The following NCOA2 variants were observed in gnomAD, a reference collection of about 807,000 sequenced individuals.
The protein encoded by NCOA2 is class E basic helix-loop-helix protein 75.
A neutral mutation model predicts 145.1 loss-of-function variants in NCOA2; 21 were observed. The observed-to-expected ratio is 0.14, with a 90% CI of 0.10 to 0.21. NCOA2 has a LOEUF of 0.21. NCOA2 is among the 10% of genes least tolerant of loss of function. The pLI is 1.00. For missense variants in NCOA2, 1,472 were observed against 1,837.6 expected, an observed-to-expected ratio of 0.80 and a Z score of 3.64; for synonymous variants, 619 against 637.5, an observed-to-expected ratio of 0.97 and a Z score of 0.44.
intron 5 of NCOA2, among the ~76,000 whole-genome samples, chr8:70,173,078 C>T (rs2132705126): frequency 6.6e-6 from 1 of 152,314 alleles, no homozygotes; most frequent in Admixed American, 6.5e-5. Flanking sequence ...ACCTCTCTAA[C>T]ACATTTAACA....
intron 7 of NCOA2, 97 bp from the exon 8 acceptor site, chr8:70,163,663 A>G: frequency 1.2e-6 from 1 of 847,704 alleles, no homozygotes; most frequent in Middle Eastern, 2.3e-4. Flanking sequence ...TCATTAAAAA[A>G]GCAGTAAGGG....
At chr8:70,446,744 G>C in the NCOA2 span, among the ~76,000 whole-genome samples, 1 of 151,964 alleles carries the variant, frequency 6.6e-6, no homozygotes, top group Non-Finnish European at 1.5e-5. Flanking sequence ...TGAAAGAAAT[G>C]GTTCTTTCTT....
chr8:70,191,321 A>G (rs1001568847), intron 4 of NCOA2, among the ~76,000 whole-genome samples: 1 of 152,252 alleles, frequency 6.6e-6, no homozygotes, highest in Non-Finnish European at 1.5e-5. Context: ...CTGAAGTAGT[A>G]AACAAAAACT....
At chr8:70,285,635 T>C (rs1328876131) in intron 2 of NCOA2, among the ~76,000 whole-genome samples, 1 of 152,252 alleles carries the variant, frequency 6.6e-6, no homozygotes, top group Non-Finnish European at 1.5e-5. Context: ...TGTAATCCCA[T>C]TCACGTAACT....
the NCOA2 span, among the ~76,000 whole-genome samples, chr8:70,442,823 T>C: frequency 6.6e-6 from 1 of 152,212 alleles, no homozygotes; most frequent in Non-Finnish European, 1.5e-5. Context: ...GTGGTAGGAA[T>C]GGCTCTTTTA....
intron 1 of NCOA2, among the ~76,000 whole-genome samples, chr8:70,378,141 C>G (rs1811846495): frequency 6.6e-6 from 1 of 152,006 alleles, no homozygotes; most frequent in South Asian, 2.1e-4. Context: ...GCATATAAAC[C>G]ACCTTGAATA....
chr8:70,279,088 C>A (rs185682484), intron 2 of NCOA2, among the ~76,000 whole-genome samples: 3 of 152,248 alleles, frequency 2.0e-5, no homozygotes, highest in African/African-American at 7.2e-5. Context: ...GATGATCTCG[C>A]CTTACCAATC....
intron 22 of NCOA2, among the ~76,000 whole-genome samples, chr8:70,120,221 AG>A (rs1267916929): frequency 6.6e-6 from 1 of 152,210 alleles, no homozygotes; most frequent in Non-Finnish European, 1.5e-5. Context: ...TGTATGGGAT[AG>A]GATTTTTTAA....
At chr8:70,407,485 C>T (rs183548288), upstream of NCOA2, among the ~76,000 whole-genome samples, 1 of 152,182 alleles carries the variant, frequency 6.6e-6, no homozygotes, top group Admixed American at 6.5e-5. Flanking sequence ...ACTTGTATTT[C>T]TACTACTCTG....
chr8:70,296,975 T>C (rs951049513), intron 1 of NCOA2, among the ~76,000 whole-genome samples, 175 bp from the exon 2 acceptor site: 2 of 152,236 alleles, frequency 1.3e-5, no homozygotes, highest in African/African-American at 4.8e-5. Context: ...AATCAAGAAG[T>C]AGACTTGCTG....
rs956038698 is a variant in NCOA2, at chr8:70,329,125, T to C, written c.-76-32325A>G. ...GCACACCACCATGCCTGGCTACTGT[T>C]TTCTGGTTTCTTTTTTTGAGACAGG... is the stretch of plus-strand genomic sequence containing the variant. On this transcript the variant is annotated intron_variant, in intron 1 of 22. Transcript: ENST00000452400. Among the ~76,000 whole-genome samples, 21 of 151,900 alleles carry C rather than the reference T, an allele frequency of 1.4e-4. 1 individual carries two copies. Among genetic ancestry groups the C allele is most frequent in the Admixed American group, 1.1e-3 (17 of 15,242 alleles).
At chr8:70,234,675 G>A (rs1373563842) in intron 2 of NCOA2, among the ~76,000 whole-genome samples, 1 of 152,062 alleles carries the variant, frequency 6.6e-6, no homozygotes, top group African/African-American at 2.4e-5. Context: ...CTTTGGAGAG[G>A]TGCCTACTCA....
chr8:70,303,268 G>T (rs1011865043), intron 1 of NCOA2, among the ~76,000 whole-genome samples: 3 of 152,120 alleles, frequency 2.0e-5, no homozygotes, highest in African/African-American at 7.2e-5. Context: ...AAGTCTTGAG[G>T]AACTTCTACA....
In NCOA2 at chr8:70,174,725, A is replaced by T. The variant is rs764915582; in HGVS notation, c.363+31T>A. 1.3e-5 allele frequency: 20 copies of T among 1,563,106 alleles called. No homozygotes were observed. The East Asian group carries it at 4.0e-4, about 32-fold the overall frequency. On this transcript the variant is annotated intron_variant, in intron 5 of 22. Coordinates refer to ENST00000452400, the MANE Select transcript of NCOA2 (RefSeq NM_006540.4). ...ATAATGTGAAGATCAACAAGATTTTAAAATACAGCACTAAAATGAAGATGT... is the reference window on the plus strand; with the variant it reads ...ATAATGTGAAGATCAACAAGATTTTTAAATACAGCACTAAAATGAAGATGT...
At chr8:70,376,061 A>C (rs1005271948) in intron 1 of NCOA2, among the ~76,000 whole-genome samples, 26 of 152,228 alleles carry the variant, frequency 1.7e-4, no homozygotes, top group African/African-American at 5.1e-4. Flanking sequence ...AAAATACCTC[A>C]GTCCATAGGA....
chr8:70,366,866 G>C (rs1432654445), intron 1 of NCOA2, among the ~76,000 whole-genome samples: 2 of 152,086 alleles, frequency 1.3e-5, no homozygotes, highest in East Asian at 3.9e-4. Flanking sequence ...CACACACTTT[G>C]GCAGCATATC....
chr8:70,355,382 T>C (rs954042766), intron 1 of NCOA2, among the ~76,000 whole-genome samples: 1 of 152,208 alleles, frequency 6.6e-6, no homozygotes, highest in Non-Finnish European at 1.5e-5. Context: ...TACTTTGATA[T>C]TGAGCCTACA....
At chr8:70,148,244 T>G (rs757715259) in intron 12 of NCOA2, 29 bp downstream of exon 12, 1 of 1,598,238 alleles carries the variant, frequency 6.3e-7, no homozygotes, top group African/African-American at 1.3e-5. Context: ...GGAAATTTCT[T>G]GGCATAACCA....
chr8:70,402,320 TCTCTGGTTTGGGAAAGTTTCCC>T (rs1814352983), intron 1 of NCOA2: 1 of 151,894 alleles, frequency 6.6e-6, no homozygotes, highest in Non-Finnish European at 1.5e-5. Flanking sequence ...TCAGGCTCGG[TCTCTGGTTTGGGAAAGTTTCCC>T]CTACCAGTGA....
Sources: gnomAD v4.1 joint callset for allele counts (sites outside exome capture counted in the v4.1 genomes callset) on GRCh38, gnomAD v4.1.1 for gene constraint, MANE v1.5 for transcripts, NCBI Gene and HGNC (gene_info 2026-07-23, HGNC 2026-07-21) for gene names.